The following LIMCH1 variants were observed in gnomAD, a reference collection of about 807,000 sequenced individuals.
LIMCH1 encodes the protein LIM and calponin homology domains-containing protein 1.
LIMCH1 carries 113 observed loss-of-function variants against 176.5 expected under a neutral mutation model. The ratio of observed to expected loss-of-function variants is 0.64; its 90% CI spans 0.55 to 0.75. The LOEUF (loss-of-function observed/expected upper bound fraction) is 0.75, where lower values mean the gene tolerates loss of function less well. LIMCH1 is among the 30% of genes least tolerant of loss of function. The pLI, the probability that LIMCH1 is intolerant of heterozygous loss-of-function variation, is 0.00. For missense variants in LIMCH1, 1,674 were observed against 1,814.9 expected (o/e 0.92, Z 1.41); for synonymous variants, 619 against 645.9 (o/e 0.96, Z 0.63).
intron 3 of LIMCH1, among the ~76,000 whole-genome samples, chr4:41,529,054 C>T (rs1462349845): frequency 6.6e-6 from 1 of 152,124 alleles, no homozygotes; most frequent in Non-Finnish European, 1.5e-5. Flanking sequence ...GTTAGTGATA[C>T]TGTTTGCTGC....
At chr4:41,624,281 AC>A (rs1370220069) in intron 7 of LIMCH1, among the ~76,000 whole-genome samples, 1 of 152,126 alleles carries the variant, frequency 6.6e-6, no homozygotes, top group Non-Finnish European at 1.5e-5. Flanking sequence ...GTAATTAATT[AC>A]AGAGGGGAAA....
intron 1 of LIMCH1, among the ~76,000 whole-genome samples, chr4:41,565,968 C>G (rs62412481): frequency 6.6e-6 from 1 of 152,188 alleles, no homozygotes; most frequent in African/African-American, 2.4e-5. Flanking sequence ...ACCCTGACAA[C>G]TTATACTGTA....
chr4:41,560,978 C>T (rs898749627), intron 1 of LIMCH1, among the ~76,000 whole-genome samples: 4 of 151,144 alleles, frequency 2.6e-5, no homozygotes, highest in African/African-American at 7.3e-5. Context: ...GATTACAGCA[C>T]TGCACTCCAG....
At chr4:41,372,425 G>T (rs183624686) in intron 1 of LIMCH1, among the ~76,000 whole-genome samples, 1 of 152,030 alleles carries the variant, frequency 6.6e-6, no homozygotes, top group Admixed American at 6.6e-5. Context: ...GTCTTAGTTT[G>T]GGACATTATT....
At position 41,598,958 on chromosome 4, in the gene LIMCH1, C is replaced by G; in HGVS notation, c.-202C>G. On this transcript the variant is annotated 5_prime_UTR_variant, in exon 2 of 32. Transcript: ENST00000503057. ...TATTCTTGAGAGGTTGTAAAGAGCTCGGCCTTAAAGAATCTCAACTTTTTG... is the reference window on the plus strand; with the variant it reads ...TATTCTTGAGAGGTTGTAAAGAGCTGGGCCTTAAAGAATCTCAACTTTTTG... 6.2e-7 allele frequency: 1 copy of G among 1,611,660 alleles called. No individual in the cohort carries two copies. The highest frequency in any genetic ancestry group is 8.5e-7 in the Non-Finnish European group (1 of 1,178,172).
At chr4:41,559,309 T>G (rs1004285659) in intron 1 of LIMCH1, among the ~76,000 whole-genome samples, 1 of 152,176 alleles carries the variant, frequency 6.6e-6, no homozygotes, top group East Asian at 1.9e-4. Flanking sequence ...TGTCCTGTTC[T>G]CTTTCCCAAA....
rs768329675 is a variant in LIMCH1 at position 41,619,362 on chromosome 4, A to C, written c.380A>C (p.Lys127Thr). 2.1e-5 allele frequency: 34 copies of C among 1,614,004 alleles called. No individual in the cohort carries two copies. The highest frequency in any genetic ancestry group is 2.5e-5 in the Non-Finnish European group (30 of 1,180,040). The change falls in exon 6 of 32, where the codon AAG (lysine) becomes ACG (threonine). Residue 127 changes from lysine (K) to threonine (T), a missense_variant. Transcript: ENST00000503057. Reference protein sequence around the residue: ...QTAYVPAPLRKKKAEREEYRK... With the variant: ...QTAYVPAPLRTKKAEREEYRK... ...GCCTACGTCCCCGCGCCTCTGAGAA[A>C]GAAGAAAGCAGAGAGAGAGGAATAC...
At chr4:41,614,633 T>C (rs915773372) in intron 5 of LIMCH1, among the ~76,000 whole-genome samples, 7 of 152,220 alleles carry the variant, frequency 4.6e-5, no homozygotes, top group African/African-American at 1.7e-4. Context: ...ATTTAATGTG[T>C]CCAGGATCTA....
chr4:41,624,756 G>A (rs546967453), intron 7 of LIMCH1, among the ~76,000 whole-genome samples: 4 of 151,980 alleles, frequency 2.6e-5, no homozygotes, highest in Non-Finnish European at 5.9e-5. Context: ...CCGGGTGAAA[G>A]AAAACACCAG....
At chr4:41,386,295 A>T (rs1402017098) in intron 1 of LIMCH1, among the ~76,000 whole-genome samples, 1 of 152,166 alleles carries the variant, frequency 6.6e-6, no homozygotes, top group Non-Finnish European at 1.5e-5. Context: ...TAGAGGAGGG[A>T]TGAAGTGCTC....
At chr4:41,671,194 G>A (rs1358830541) in intron 21 of LIMCH1, 2 of 177,238 alleles carry the variant, frequency 1.1e-5, no homozygotes, top group Non-Finnish European at 2.2e-5. Flanking sequence ...GACAGTGAGG[G>A]GACTGCTCAG....
intron 1 of LIMCH1, among the ~76,000 whole-genome samples, chr4:41,455,346 G>C (rs2064450008): frequency 6.6e-6 from 1 of 152,158 alleles, no homozygotes; most frequent in African/African-American, 2.4e-5. Flanking sequence ...GGAGTGATTA[G>C]TTTGGAAACA....
chr4:41,638,681 G>A (rs1266127480), intron 13 of LIMCH1, among the ~76,000 whole-genome samples: 2 of 152,162 alleles, frequency 1.3e-5, no homozygotes, highest in Non-Finnish European at 2.9e-5. Flanking sequence ...TTTTTGGGTA[G>A]TGTGGGGATT....
chr4:41,597,577 T>C (rs1453427441), intron 1 of LIMCH1, among the ~76,000 whole-genome samples: 2 of 152,116 alleles, frequency 1.3e-5, no homozygotes, highest in African/African-American at 4.8e-5. Context: ...GAAACTAAAG[T>C]GTTAGTGTGG....
intron 1 of LIMCH1, among the ~76,000 whole-genome samples, chr4:41,592,251 G>C (rs929528920): frequency 1.3e-5 from 2 of 152,192 alleles, no homozygotes; most frequent in Non-Finnish European, 2.9e-5. Flanking sequence ...TCTCCTTCAT[G>C]TGTACTTTGG....
chr4:41,656,393 G>T (rs1371554957), intron 18 of LIMCH1, among the ~76,000 whole-genome samples: 1 of 152,080 alleles, frequency 6.6e-6, no homozygotes, highest in Admixed American at 6.6e-5. Context: ...TAGATTTAAT[G>T]ATTTTTAAAA....
intron 1 of LIMCH1, among the ~76,000 whole-genome samples, chr4:41,398,376 A>C (rs2058036858): frequency 6.6e-6 from 1 of 152,130 alleles, no homozygotes; most frequent in Admixed American, 6.6e-5. Context: ...CTGTGGGCTC[A>C]TCAATTTCCG....
chr4:41,382,054 C>T (rs2055758197), intron 1 of LIMCH1, among the ~76,000 whole-genome samples: 2 of 152,332 alleles, frequency 1.3e-5, no homozygotes, highest in South Asian at 2.1e-4. Context: ...CTTATGAGTG[C>T]GTCCAGCTAA....
At chr4:41,419,110 G>A (rs2060199012) in intron 1 of LIMCH1, among the ~76,000 whole-genome samples, 1 of 151,238 alleles carries the variant, frequency 6.6e-6, no homozygotes. Flanking sequence ...ACATTTCTAA[G>A]TCACTACGTT....
Sources: gnomAD v4.1 joint callset for allele counts (sites outside exome capture counted in the v4.1 genomes callset) on GRCh38, gnomAD v4.1.1 for gene constraint, MANE v1.5 for transcripts, NCBI Gene and HGNC (gene_info 2026-07-23, HGNC 2026-07-21) for gene names.